RBM25: variants seen among roughly 807,000 people sequenced by gnomAD.
RBM25 encodes RNA-binding protein 25.
RBM25 carries 19 observed loss-of-function variants against 120.7 expected under a neutral mutation model. The ratio of observed to expected loss-of-function variants is 0.16; its 90% CI spans 0.11 to 0.23. The LOEUF is 0.23. Ranked by LOEUF, RBM25 falls within the 10% of genes least tolerant of loss-of-function variation. The probability of loss-of-function intolerance (pLI) is 1.00; values close to 1 mark genes in which losing one functional copy is unlikely to be tolerated. For synonymous variants in RBM25, 390 were observed against 326.7 expected (o/e 1.19, Z -2.09); for missense variants, 605 against 1,041.5 (o/e 0.58, Z 5.77).
chr14:73,118,360 C>T (rs2140469105), intron 18 of RBM25, among the ~76,000 whole-genome samples: 1 of 151,890 alleles, frequency 6.6e-6, no homozygotes, highest in South Asian at 2.1e-4. Flanking sequence ...CACCTGTAGT[C>T]CTAGCTACTG....
chr14:73,083,250 T>G (rs1459212363), intron 4 of RBM25, among the ~76,000 whole-genome samples: 1 of 152,218 alleles, frequency 6.6e-6, no homozygotes, highest in Admixed American at 6.5e-5. Context: ...AAACTTTTAA[T>G]AAAAGGTAAA....
At chr14:73,068,733 C>G (rs888801981) in intron 1 of RBM25, 13 of 283,034 alleles carry the variant, frequency 4.6e-5, no homozygotes, top group Admixed American at 8.9e-5. Flanking sequence ...GCAGCCACCC[C>G]CTCTCCTAAT....
At chr14:73,101,346 A>G (rs1320773416) in intron 9 of RBM25, 1 of 152,346 alleles carries the variant, frequency 6.6e-6, no homozygotes, top group Non-Finnish European at 1.5e-5. Context: ...TACAGCACGG[A>G]TGAGTCTGAA....
chr14:73,058,776 C>T (rs1373530863), intron 1 of RBM25, 71 bp downstream of exon 1: 1 of 140,862 alleles, frequency 7.1e-6, no homozygotes, highest in African/African-American at 2.6e-5. Context: ...GGAGGAAAAG[C>T]CGGGGTGGCT....
At position 73,088,248 on chromosome 14, in the gene RBM25, G is replaced by C. The variant is rs1232145957; in HGVS notation, c.543+87G>C. The C allele has an allele frequency of 2.0e-6, 3 of 1,498,506 alleles. No individual in the cohort carries two copies. In the African/African-American group the frequency reaches 4.1e-5, roughly 21 times the overall value. The allele number at this position is 1,498,506 out of a possible 1,614,324, so 92.8% of individuals were successfully genotyped here. A position where few individuals can be genotyped will look rare whatever the true frequency, so the allele number is the denominator to read the frequency against. On this transcript the variant is annotated intron_variant, in intron 6 of 18. Coordinates refer to ENST00000261973, the MANE Select transcript of RBM25 (RefSeq NM_021239.3). ...TCATTATAAATGAATCTAATATGGG[G>C]CTTCAAAAGATCATCATGTATGTGC... is the stretch of plus-strand genomic sequence containing the variant.
Position 73,111,792 on chromosome 14 carries a change from T to C in RBM25, c.2282T>C (p.Ile761Thr). ...ELFAYPLDWS[I>T]VDSILMERRI... ...TTCGCTTATCCCCTGGATTGGTCTA[T>C]TGTGGATTCTGTGAGTAGGAAATTA... Residue 761 changes from isoleucine (I) to threonine (T), a missense_variant, in exon 16 of 19, where the codon ATT (isoleucine) becomes ACT (threonine). Coordinates refer to ENST00000261973, the MANE Select transcript of RBM25 (RefSeq NM_021239.3). 1 of 1,586,882 alleles carries C rather than the reference T, an allele frequency of 6.3e-7. No homozygotes were observed. The highest frequency in any genetic ancestry group is 8.5e-7 in the Non-Finnish European group (1 of 1,170,372).
At chr14:73,106,148 GA>G in intron 11 of RBM25, 47 bp from the exon 12 acceptor site, 1 of 1,580,056 alleles carries the variant, frequency 6.3e-7, no homozygotes, top group South Asian at 1.2e-5. Context: ...AATATTTATA[GA>G]ATGCTATGTA....
chr14:73,113,516 C>T (rs1453941600), intron 17 of RBM25, among the ~76,000 whole-genome samples: 1 of 151,792 alleles, frequency 6.6e-6, no homozygotes, highest in Non-Finnish European at 1.5e-5. Context: ...TATGGTAAAA[C>T]CCCGCCTCTA....
intron 1 of RBM25, among the ~76,000 whole-genome samples, chr14:73,065,620 G>C (rs528931512): frequency 6.6e-6 from 1 of 151,978 alleles, no homozygotes; most frequent in East Asian, 1.9e-4. Flanking sequence ...GGGTTTCGCC[G>C]TGTTGGCCAG....
At position 73,077,549 on chromosome 14, in the gene RBM25, GTTTA is replaced by G. The variant is rs1244599243; in HGVS notation, c.324+17_324+20del. On this transcript the variant is annotated intron_variant, in intron 4 of 18. Transcript: ENST00000261973. The stretch of plus-strand genomic sequence containing the variant: ...ACAACTCTTAGCTGTAAGTTAAACT[GTTTA>G]TTTTTCATTAAAAATTTTTTTATCA... The G allele has an allele frequency of 2.6e-6, 4 of 1,545,102 alleles. No individual in the cohort carries two copies. Among genetic ancestry groups the G allele is most frequent in the East Asian group, 2.3e-5 (1 of 42,970 alleles).
At chr14:73,107,312 G>T (rs1426110394) in intron 12 of RBM25, 1 of 152,710 alleles carries the variant, frequency 6.5e-6, no homozygotes, top group African/African-American at 2.4e-5. Flanking sequence ...AATTTAAAAT[G>T]TCTAATGTGA....
chr14:73,110,750 T>C lies in RBM25; in HGVS notation c.1693-81T>C. On this transcript the variant is annotated intron_variant, in intron 14 of 18. Transcript: ENST00000261973. ...GGCCTTTTCTCTTTTCATAAAGATATTTTACAAGAGGTAATGTAAAACAAA... is the reference window on the plus strand; with the variant it reads ...GGCCTTTTCTCTTTTCATAAAGATACTTTACAAGAGGTAATGTAAAACAAA... The C allele has an allele frequency of 4.0e-6, 6 of 1,491,038 alleles. No homozygotes were observed. In the South Asian group the frequency reaches 8.4e-5, roughly 21 times the overall value. The allele number at this position is 1,491,038 out of a possible 1,614,324, so 92.4% of individuals were successfully genotyped here. A position where few individuals can be genotyped will look rare whatever the true frequency, so the allele number is the denominator to read the frequency against.
At chr14:73,080,358 G>C (rs534288242) in intron 4 of RBM25, among the ~76,000 whole-genome samples, 1 of 151,318 alleles carries the variant, frequency 6.6e-6, no homozygotes, top group Non-Finnish European at 1.5e-5. Context: ...CAAGTAGCTG[G>C]GACTACAGGC....
intron 6 of RBM25, among the ~76,000 whole-genome samples, chr14:73,091,141 C>T (rs1440500488): frequency 6.6e-6 from 1 of 152,152 alleles, no homozygotes; most frequent in East Asian, 1.9e-4. Context: ...TACTGAAAAA[C>T]TCTGAGAATG....
At chr14:73,112,966 G>C (rs1272769133) in intron 17 of RBM25, among the ~76,000 whole-genome samples, 8 of 151,722 alleles carry the variant, frequency 5.3e-5, no homozygotes, top group African/African-American at 1.9e-4. Context: ...ACCACACCCT[G>C]CTAATTTTTT....
chr14:73,092,547 T>A (rs1958174138), intron 6 of RBM25, among the ~76,000 whole-genome samples: 1 of 151,812 alleles, frequency 6.6e-6, no homozygotes, highest in Non-Finnish European at 1.5e-5. Context: ...ATATTTTTCA[T>A]GATCCAGAAT....
intron 6 of RBM25, among the ~76,000 whole-genome samples, chr14:73,095,768 A>G (rs1483508913): frequency 6.6e-6 from 1 of 152,164 alleles, no homozygotes; most frequent in African/African-American, 2.4e-5. Context: ...CTCACCTTGA[A>G]TAGAGTTGCA....
At position 73,122,712 on chromosome 14, in the gene RBM25, T is replaced by C. The variant is rs1179161695; in HGVS notation, c.*2907T>C. Reference sequence around the variant, plus strand: ...AAGGTAAGTTTGAAGTTGTTTTTCTTAAACTTTAATGTGACCCCAAATCAT... The same window carrying C: ...AAGGTAAGTTTGAAGTTGTTTTTCTCAAACTTTAATGTGACCCCAAATCAT... On this transcript the variant is annotated 3_prime_UTR_variant, in exon 19 of 19. Coordinates refer to ENST00000261973, the MANE Select transcript of RBM25 (RefSeq NM_021239.3). The C allele has an allele frequency of 6.6e-6, 1 of 152,210 alleles. No homozygotes were observed. Among genetic ancestry groups the C allele is most frequent in the Admixed American group, 6.5e-5 (1 of 15,282 alleles). The allele number at this position is 152,210 out of a possible 1,614,324, so 9.4% of individuals were successfully genotyped here.
At chr14:73,068,387 A>ATT (rs34314453) in intron 1 of RBM25, 17,700 of 472,802 alleles carry the variant, frequency 0.037, 123 homozygotes, top group African/African-American at 0.068. Context: ...CTTGTATTTG[A>ATT]TTTTTTTTTT....
Sources: gnomAD v4.1 joint callset for allele counts (sites outside exome capture counted in the v4.1 genomes callset) on GRCh38, gnomAD v4.1.1 for gene constraint, MANE v1.5 for transcripts, NCBI Gene and HGNC (gene_info 2026-07-23, HGNC 2026-07-21) for gene names.